TMEM132D: variants seen among roughly 807,000 people sequenced by gnomAD.
TMEM132D encodes the protein transmembrane protein 132D.
In TMEM132D, 21 loss-of-function variants were observed where a neutral mutation model predicts 62.3. The observed-to-expected ratio is 0.34, with a 90% CI of 0.24 to 0.49. TMEM132D has a LOEUF of 0.49. Ranked by LOEUF, TMEM132D falls within the 20% of genes least tolerant of loss-of-function variation. The pLI is 0.99. For missense variants in TMEM132D, 1,346 were observed against 1,402.8 expected (o/e 0.96, Z 0.65); for synonymous variants, 621 against 575.6 (o/e 1.08, Z -1.13).
At position 129,869,686 on chromosome 12, in the gene TMEM132D, C is replaced by A. The variant is rs982303070; in HGVS notation, c.79+33575G>T. ...TATTTTCCTAAGGAGTCATAAAAATCCTTTTTTTGTCTGAGTTAGGAGCAA... is the reference window on the plus strand; with the variant it reads ...TATTTTCCTAAGGAGTCATAAAAATACTTTTTTTGTCTGAGTTAGGAGCAA... On this transcript the variant is annotated intron_variant, in intron 1 of 8. Coordinates refer to ENST00000422113, the MANE Select transcript of TMEM132D (RefSeq NM_133448.3). Among the ~76,000 whole-genome samples, 14 of 152,160 alleles carry A rather than the reference C, an allele frequency of 9.2e-5. No individual in the cohort carries two copies. In the East Asian group the frequency reaches 1.5e-3, roughly 17 times the overall value.
intron 3 of TMEM132D, among the ~76,000 whole-genome samples, chr12:129,408,162 A>G (rs891511574): frequency 3.9e-5 from 6 of 152,164 alleles, no homozygotes; most frequent in Admixed American, 1.3e-4. Context: ...TCCACCAAAC[A>G]GGAGTTTTTC....
chr12:129,207,957 T>C (rs1878905298), intron 5 of TMEM132D, among the ~76,000 whole-genome samples: 1 of 152,198 alleles, frequency 6.6e-6, no homozygotes, highest in Non-Finnish European at 1.5e-5. Context: ...TAATAGATTA[T>C]TGTAAACTGT....
intron 1 of TMEM132D, among the ~76,000 whole-genome samples, chr12:129,760,323 CTTTTTTTTTTT>C (rs71082753): frequency 0.62 from 72,663 of 116,358 alleles, 21,657 homozygotes; most frequent in Middle Eastern, 0.79. Context: ...AAGCCACTTT[CTTTTTTTTTTT>C]TTTTTTTTTT....
intron 4 of TMEM132D, among the ~76,000 whole-genome samples, chr12:129,306,880 T>C (rs943285993): frequency 6.6e-6 from 1 of 152,128 alleles, no homozygotes; most frequent in Admixed American, 6.5e-5. Flanking sequence ...TCTGCAGACC[T>C]GGAAGTGAGC....
chr12:129,802,187 A>T (rs1871813244), intron 1 of TMEM132D, among the ~76,000 whole-genome samples: 1 of 151,270 alleles, frequency 6.6e-6, no homozygotes, highest in African/African-American at 2.4e-5. Flanking sequence ...AATACAGAGA[A>T]CGCCACAAAG....
At chr12:129,647,956 G>C (rs1879829564) in intron 2 of TMEM132D, among the ~76,000 whole-genome samples, 2 of 152,076 alleles carry the variant, frequency 1.3e-5, no homozygotes. Context: ...ACTAACTTTG[G>C]GAGGAATTAA....
intron 3 of TMEM132D, among the ~76,000 whole-genome samples, chr12:129,398,819 T>C (rs1041173771): frequency 3.2e-4 from 47 of 147,876 alleles, no homozygotes; most frequent in African/African-American, 1.1e-3. Context: ...AGACAATGCA[T>C]ATCTATTTAT....
chr12:129,376,630 A>G (rs1206186531), intron 3 of TMEM132D, among the ~76,000 whole-genome samples: 4 of 152,190 alleles, frequency 2.6e-5, no homozygotes, highest in Admixed American at 6.5e-5. Context: ...TGACTTAGAG[A>G]CAGGGCTTTT....
chr12:129,698,776 AGGGAGAAAGAGAGG>A (rs1381196663), intron 2 of TMEM132D, among the ~76,000 whole-genome samples: 13 of 145,462 alleles, frequency 8.9e-5, no homozygotes, highest in African/African-American at 3.3e-4. Flanking sequence ...AGAAAGAGAG[AGGGAGAAAGAGAGG>A]GAGAAAGAAA....
At chr12:129,281,626 CG>C (rs1433566640) in intron 4 of TMEM132D, among the ~76,000 whole-genome samples, 1 of 152,024 alleles carries the variant, frequency 6.6e-6, no homozygotes, top group Non-Finnish European at 1.5e-5. Flanking sequence ...CTGACGCCCC[CG>C]TAGCAGACCA....
At chr12:129,780,723 C>A (rs1871095438) in intron 1 of TMEM132D, among the ~76,000 whole-genome samples, 2 of 152,170 alleles carry the variant, frequency 1.3e-5, no homozygotes, top group East Asian at 1.9e-4. Context: ...GTACCTGCTG[C>A]ATAGATAAAT....
At chr12:129,898,108 A>G (rs1017117114) in intron 1 of TMEM132D, among the ~76,000 whole-genome samples, 5 of 152,212 alleles carry the variant, frequency 3.3e-5, no homozygotes, top group African/African-American at 1.2e-4. Context: ...CACTCCGCAC[A>G]GTGCCTGCCA....
At chr12:129,147,867 C>T (rs1876957749) in intron 5 of TMEM132D, among the ~76,000 whole-genome samples, 1 of 152,210 alleles carries the variant, frequency 6.6e-6, no homozygotes, top group Non-Finnish European at 1.5e-5. Flanking sequence ...TTCCTATTCC[C>T]CACCTTGGGT....
intron 1 of TMEM132D, among the ~76,000 whole-genome samples, chr12:129,807,928 C>T (rs1362809433): frequency 6.6e-6 from 1 of 152,186 alleles, no homozygotes; most frequent in Non-Finnish European, 1.5e-5. Flanking sequence ...CTGGTGAAAA[C>T]TGAACAATGA....
At chr12:129,221,608 G>C (rs1299693197) in intron 4 of TMEM132D, among the ~76,000 whole-genome samples, 8 of 152,142 alleles carry the variant, frequency 5.3e-5, no homozygotes, top group South Asian at 4.1e-4. Flanking sequence ...GGCAGGTCCA[G>C]CCTAAGTTAG....
chr12:129,530,732 A>G (rs1410870329), intron 3 of TMEM132D, among the ~76,000 whole-genome samples: 1 of 149,910 alleles, frequency 6.7e-6, no homozygotes, highest in Non-Finnish European at 1.5e-5. Flanking sequence ...TGAGACATGC[A>G]GAGTTTCAGT....
intron 3 of TMEM132D, among the ~76,000 whole-genome samples, chr12:129,420,389 C>A (rs1212194681): frequency 2.9e-5 from 4 of 139,552 alleles, no homozygotes; most frequent in Non-Finnish European, 1.5e-5. Context: ...TCCTACAAAA[C>A]CTGCTTCTGA....
chr12:129,668,668 T>TAG (rs1880434520), intron 2 of TMEM132D, among the ~76,000 whole-genome samples: 1 of 152,066 alleles, frequency 6.6e-6, no homozygotes, highest in African/African-American at 2.4e-5. Flanking sequence ...TTGAAGCATA[T>TAG]TTGTTCCTCT....
chr12:129,219,584 A>G (rs1879299197), intron 4 of TMEM132D, among the ~76,000 whole-genome samples: 2 of 152,198 alleles, frequency 1.3e-5, no homozygotes, highest in African/African-American at 4.8e-5. Context: ...ATGATAAAGT[A>G]GGGAACAAAA....
Sources: allele counts gnomAD v4.1 joint callset (sites outside exome capture counted in the v4.1 genomes callset), GRCh38; gene constraint gnomAD v4.1.1; transcripts MANE v1.5; gene names NCBI Gene and HGNC (gene_info 2026-07-23, HGNC 2026-07-21).